ACTR3C: variants seen among roughly 807,000 people sequenced by gnomAD.
ACTR3C encodes actin-related protein 3C.
A neutral mutation model predicts 26.3 loss-of-function variants in ACTR3C; 18 were observed. The ratio of observed to expected loss-of-function variants is 0.68; its 90% CI spans 0.47 to 1.01. The LOEUF is 1.01. ACTR3C is among the 50% of genes least tolerant of loss of function. ACTR3C has a pLI of 0.00. For synonymous variants in ACTR3C, 55 were observed against 94.5 expected, an observed-to-expected ratio of 0.58 and a Z score of 2.42; for missense variants, 184 against 250.7, an observed-to-expected ratio of 0.73 and a Z score of 1.80.
chr7:150,194,924 T>C, the ACTR3C span, among the ~76,000 whole-genome samples: 1 of 152,130 alleles, frequency 6.6e-6, no homozygotes, highest in Admixed American at 6.5e-5. Context: ...TGAAACACCA[T>C]CTGTATTAAA....
chr7:150,006,912 C>T, the ACTR3C span, among the ~76,000 whole-genome samples: 1 of 152,068 alleles, frequency 6.6e-6, no homozygotes, highest in Non-Finnish European at 1.5e-5. Flanking sequence ...AAACTAAATG[C>T]AAGAGGATTT....
the ACTR3C span, among the ~76,000 whole-genome samples, chr7:149,933,679 G>C: frequency 6.6e-6 from 1 of 152,114 alleles, no homozygotes; most frequent in South Asian, 2.1e-4. Context: ...ACAGAGTCTG[G>C]GTGTTGAGTT....
At chr7:150,184,181 C>T in the ACTR3C span, among the ~76,000 whole-genome samples, 1 of 150,786 alleles carries the variant, frequency 6.6e-6, no homozygotes, top group South Asian at 2.1e-4. Flanking sequence ...TTTACACTGG[C>T]TTTGTAAAGG....
chr7:150,240,039 G>A (rs539151354), downstream of ACTR3C, among the ~76,000 whole-genome samples: 1 of 152,320 alleles, frequency 6.6e-6, no homozygotes, highest in South Asian at 2.1e-4. Flanking sequence ...ATAGGCATGA[G>A]CCACCATGCC....
the ACTR3C span, among the ~76,000 whole-genome samples, chr7:149,919,199 G>A: frequency 4.0e-5 from 6 of 150,950 alleles, no homozygotes; most frequent in Admixed American, 1.3e-4. Flanking sequence ...TAATACTCAC[G>A]CTTTCTTTTA....
chr7:150,202,632 G>A, the ACTR3C span, among the ~76,000 whole-genome samples: 1 of 152,130 alleles, frequency 6.6e-6, no homozygotes, highest in Non-Finnish European at 1.5e-5. Context: ...AGGTTCTATT[G>A]TTTGTTCCAG....
the ACTR3C span, chr7:150,040,531 A>G: frequency 6.7e-6 from 1 of 148,672 alleles, no homozygotes; most frequent in East Asian, 1.9e-4. Context: ...ACGAAACCCC[A>G]CAGCTCCTAA....
At chr7:150,142,102 G>C in the ACTR3C span, among the ~76,000 whole-genome samples, 1 of 152,170 alleles carries the variant, frequency 6.6e-6, no homozygotes, top group Non-Finnish European at 1.5e-5. Flanking sequence ...TCAGGCTGCA[G>C]ACTCAACAGG....
chr7:150,013,744 G>A, the ACTR3C span, among the ~76,000 whole-genome samples: 3 of 152,232 alleles, frequency 2.0e-5, no homozygotes, highest in Admixed American at 1.3e-4. Flanking sequence ...TCATGCTGAA[G>A]AGAAGTGGTG....
At chr7:150,035,517 A>G in the ACTR3C span, among the ~76,000 whole-genome samples, 14 of 104,244 alleles carry the variant, frequency 1.3e-4, no homozygotes, top group African/African-American at 4.4e-4. Context: ...CTCAGTCCCC[A>G]CTCTCGTGGG....
chr7:150,308,102 G>C (rs1236819339), intron 1 of ACTR3C, among the ~76,000 whole-genome samples: 1 of 152,136 alleles, frequency 6.6e-6, no homozygotes, highest in African/African-American at 2.4e-5. Context: ...CATTCCAGAA[G>C]TGTTTAATCA....
chr7:149,903,769 C>T, the ACTR3C span, among the ~76,000 whole-genome samples: 10 of 149,532 alleles, frequency 6.7e-5, no homozygotes, highest in South Asian at 2.0e-3. Flanking sequence ...GTCTCAAACT[C>T]CTGGGCTCAA....
chr7:150,084,181 T>C, the ACTR3C span, among the ~76,000 whole-genome samples: 5 of 152,132 alleles, frequency 3.3e-5, no homozygotes, highest in African/African-American at 9.7e-5. Flanking sequence ...TCCTCAAGTC[T>C]TGTAATTCTT....
chr7:149,903,053 T>TA, the ACTR3C span, among the ~76,000 whole-genome samples: 40,138 of 84,956 alleles, frequency 0.47, 9,818 homozygotes, highest in African/African-American at 0.54. Context: ...TTTTTTTAAT[T>TA]AAAAAAAACC....
At chr7:150,132,213 G>C in the ACTR3C span, among the ~76,000 whole-genome samples, 1 of 152,116 alleles carries the variant, frequency 6.6e-6, no homozygotes, top group African/African-American at 2.4e-5. Context: ...TAGGGGACAG[G>C]GTAGACGGGG....
chr7:150,069,859 C>G, the ACTR3C span, among the ~76,000 whole-genome samples: 1 of 149,874 alleles, frequency 6.7e-6, no homozygotes, highest in African/African-American at 2.5e-5. Context: ...GGCAGCAGAT[C>G]AGGCTGTGTG....
intron 6 of ACTR3C, among the ~76,000 whole-genome samples, chr7:150,266,533 G>C (rs941319590): frequency 4.6e-5 from 7 of 151,822 alleles, no homozygotes; most frequent in African/African-American, 1.7e-4. Context: ...AAATTTCTTA[G>C]CTAGCACATA....
the ACTR3C span, among the ~76,000 whole-genome samples, chr7:149,962,342 A>G: frequency 7.9e-5 from 12 of 152,210 alleles, no homozygotes; most frequent in Middle Eastern, 3.2e-3. Context: ...GGAAGCATGC[A>G]GGGCCAGATT....
At chr7:149,967,621 A>G in the ACTR3C span, among the ~76,000 whole-genome samples, 1 of 152,216 alleles carries the variant, frequency 6.6e-6, no homozygotes, top group Non-Finnish European at 1.5e-5. Context: ...GCTATAAGCA[A>G]AATGGTACTA....
Sources: allele counts gnomAD v4.1 joint callset (sites outside exome capture counted in the v4.1 genomes callset), GRCh38; gene constraint gnomAD v4.1.1; transcripts MANE v1.5; gene names NCBI Gene and HGNC (gene_info 2026-07-23, HGNC 2026-07-21).